Variants in SLC4A10 observed in about 807,000 individuals in gnomAD.
SLC4A10 encodes sodium-driven chloride bicarbonate exchanger.
A neutral mutation model predicts 137.7 loss-of-function variants in SLC4A10; 42 were observed. The ratio of observed to expected loss-of-function variants is 0.30; its 90% confidence interval spans 0.24 to 0.39. The LOEUF is 0.39. Among genes scored for constraint, SLC4A10 ranks in the 10% least tolerant of loss-of-function variants. The probability of loss-of-function intolerance (pLI) is 1.00; values close to 1 mark genes in which losing one functional copy is unlikely to be tolerated. For missense variants in SLC4A10, 925 were observed against 1,355.0 expected, an observed-to-expected ratio of 0.68 and a Z score of 4.98; for synonymous variants, 474 against 464.1, an observed-to-expected ratio of 1.02 and a Z score of -0.27.
At chr2:161,839,561 A>T (rs1026269900) in intron 3 of SLC4A10, among the ~76,000 whole-genome samples, 15 of 152,052 alleles carry the variant, frequency 9.9e-5, no homozygotes, top group African/African-American at 3.6e-4. Flanking sequence ...ACATTAATAT[A>T]TACATTTTAC....
At chr2:161,947,035 G>A (rs76204919) in intron 16 of SLC4A10, among the ~76,000 whole-genome samples, 2,007 of 152,162 alleles carry the variant, frequency 0.013, 41 homozygotes, top group East Asian at 0.099. Flanking sequence ...TGCAGAAATC[G>A]TGTTTGTATC....
intron 1 of SLC4A10, among the ~76,000 whole-genome samples, chr2:161,749,982 G>C (rs1414576485): frequency 6.6e-6 from 1 of 151,488 alleles, no homozygotes; most frequent in African/African-American, 2.4e-5. Flanking sequence ...GTTTCAGTAG[G>C]CTTTATGTTT....
intron 10 of SLC4A10, among the ~76,000 whole-genome samples, chr2:161,887,337 G>A (rs570836451): frequency 6.6e-6 from 1 of 152,106 alleles, no homozygotes; most frequent in Admixed American, 6.5e-5. Context: ...ACCCAGTAAC[G>A]GGGTTGCTGG....
intron 1 of SLC4A10, among the ~76,000 whole-genome samples, chr2:161,680,936 A>G (rs921035923): frequency 4.6e-5 from 7 of 152,134 alleles, no homozygotes; most frequent in Non-Finnish European, 1.0e-4. Flanking sequence ...AGAGGAAGAG[A>G]TAGATATAAG....
chr2:161,872,716 CTTTG>C (rs758832080), intron 7 of SLC4A10, among the ~76,000 whole-genome samples: 36 of 151,872 alleles, frequency 2.4e-4, no homozygotes, highest in Non-Finnish European at 3.8e-4. Flanking sequence ...GTTTGTTGTT[CTTTG>C]TTTGTTTGTT....
intron 3 of SLC4A10, among the ~76,000 whole-genome samples, chr2:161,836,564 G>A (rs1212090205): frequency 2.9e-5 from 3 of 104,514 alleles, no homozygotes; most frequent in Admixed American, 9.8e-5. Flanking sequence ...AAGAAAGAAA[G>A]AAAGAAAGAA....
At chr2:161,901,142 A>C (rs1228425299) in intron 12 of SLC4A10, 131 bp downstream of exon 12, 1 of 700,524 alleles carries the variant, frequency 1.4e-6, no homozygotes. Context: ...TGAAAATGCC[A>C]ATTAGTTTGA....
intron 4 of SLC4A10, among the ~76,000 whole-genome samples, chr2:161,844,954 T>A (rs948684927): frequency 6.6e-6 from 1 of 152,124 alleles, no homozygotes; most frequent in African/African-American, 2.4e-5. Context: ...CAGTTTTATT[T>A]ATTTATTTTT....
chr2:161,676,580 G>A (rs1453656515), intron 1 of SLC4A10, among the ~76,000 whole-genome samples: 1 of 152,098 alleles, frequency 6.6e-6, no homozygotes, highest in African/African-American at 2.4e-5. Context: ...CTTTATTCTA[G>A]AGGCTAAGGC....
chr2:161,788,505 C>T (rs2053872215), intron 2 of SLC4A10, among the ~76,000 whole-genome samples: 1 of 151,920 alleles, frequency 6.6e-6, no homozygotes, highest in African/African-American at 2.4e-5. Flanking sequence ...GTGGTAGGGG[C>T]AGGGGGCCTG....
At chr2:161,889,071 T>C (rs1272103443) in intron 10 of SLC4A10, among the ~76,000 whole-genome samples, 1 of 152,216 alleles carries the variant, frequency 6.6e-6, no homozygotes, top group Non-Finnish European at 1.5e-5. Flanking sequence ...GTTCCATTTA[T>C]GTGATGGATT....
At chr2:161,691,167 C>T (rs980640032) in intron 1 of SLC4A10, among the ~76,000 whole-genome samples, 2 of 151,968 alleles carry the variant, frequency 1.3e-5, no homozygotes, top group African/African-American at 4.8e-5. Context: ...ATCAAAAGCT[C>T]ATTTACAGAT....
intron 3 of SLC4A10, among the ~76,000 whole-genome samples, chr2:161,816,120 CCTAT>C (rs1182596744): frequency 6.6e-6 from 1 of 152,096 alleles, no homozygotes; most frequent in African/African-American, 2.4e-5. Context: ...TAAACACCAT[CCTAT>C]CTGATTTGGG....
intron 3 of SLC4A10, among the ~76,000 whole-genome samples, chr2:161,838,320 C>T (rs1193629593): frequency 6.6e-6 from 1 of 151,314 alleles, no homozygotes; most frequent in African/African-American, 2.4e-5. Flanking sequence ...ATATCTTATA[C>T]CAAAATTAAC....
chr2:161,802,401 G>GA (rs1334003918), intron 2 of SLC4A10, among the ~76,000 whole-genome samples: 10 of 151,852 alleles, frequency 6.6e-5, no homozygotes, highest in East Asian at 1.9e-4. Flanking sequence ...GCGTTTTATT[G>GA]AAAAAATCAC....
chr2:161,896,424 A>C (rs1295014179), intron 11 of SLC4A10, among the ~76,000 whole-genome samples: 1 of 152,080 alleles, frequency 6.6e-6, no homozygotes, highest in Admixed American at 6.6e-5. Context: ...TATGAACTTT[A>C]AAGTAGTTTT....
At chr2:161,977,041 T>C (rs1016335479) in intron 25 of SLC4A10, among the ~76,000 whole-genome samples, 165 bp downstream of exon 25, 3 of 152,142 alleles carry the variant, frequency 2.0e-5, no homozygotes, top group African/African-American at 7.2e-5. Flanking sequence ...AATGTTGGTA[T>C]GTTTTTCATA....
At chr2:161,770,324 A>C (rs949039220) in intron 1 of SLC4A10, among the ~76,000 whole-genome samples, 3 of 151,870 alleles carry the variant, frequency 2.0e-5, no homozygotes, top group African/African-American at 7.2e-5. Flanking sequence ...TATTTTGAGC[A>C]TGTGTTTAGT....
At chr2:161,735,436 AT>A (rs1184991714) in intron 1 of SLC4A10, among the ~76,000 whole-genome samples, 10 of 152,150 alleles carry the variant, frequency 6.6e-5, no homozygotes, top group Non-Finnish European at 1.5e-4. Flanking sequence ...TGACTCAGAC[AT>A]TTCATGATTA....
Sources: gnomAD v4.1 joint callset for allele counts (sites outside exome capture counted in the v4.1 genomes callset) on GRCh38, gnomAD v4.1.1 for gene constraint, MANE v1.5 for transcripts, NCBI Gene and HGNC (gene_info 2026-07-23, HGNC 2026-07-21) for gene names.